Variants in PAQR8 observed in about 807,000 individuals in gnomAD.
PAQR8 encodes membrane progestin receptor beta.
In PAQR8, 17 loss-of-function variants were observed where a neutral mutation model predicts 25.2. The observed-to-expected ratio is 0.67, with a 90% CI of 0.46 to 1.01. The LOEUF (loss-of-function observed/expected upper bound fraction) is 1.01. Among genes scored for constraint, PAQR8 ranks in the 50% least tolerant of loss-of-function variants. The pLI is 0.00. For missense variants in PAQR8, 392 were observed against 448.4 expected (o/e 0.87, Z 1.14); for synonymous variants, 204 against 190.6 (o/e 1.07, Z -0.58).
chr6:52,395,565 G>A (rs1763758343), intron 1 of PAQR8, among the ~76,000 whole-genome samples: 1 of 152,200 alleles, frequency 6.6e-6, no homozygotes, highest in Non-Finnish European at 1.5e-5. Flanking sequence ...CAGGGAGGCA[G>A]TATTATGATG....
rs1763868057 is a variant in PAQR8, at chr6:52,403,614, C to A, written c.401C>A (p.Ser134Tyr). Residue 134 changes from serine to tyrosine, a missense_variant, in exon 2 of 2, where the codon TCC becomes TAC. Physicochemically the swap from Ser to Tyr is moderately radical, Grantham distance 144. Coordinates refer to ENST00000442253, the MANE Select transcript of PAQR8 (RefSeq NM_133367.5). ...TCSLLAHLLQ[S>Y]KSELSHYTFY... ...AGCCTTCTGGCCCACCTGCTGCAGT[C>A]CAAGTCAGAGCTCTCCCACTACACC... The A allele has an allele frequency of 1.9e-6, 3 of 1,614,134 alleles. No homozygotes were observed. The highest frequency in any genetic ancestry group is 2.5e-6 in the Non-Finnish European group (3 of 1,180,044).
At position 52,390,145 on chromosome 6, in the gene PAQR8, C is replaced by G. The variant is rs143303320; in HGVS notation, c.-52-13017C>G. ...GTGTGTTCTCCCAGTAAATTGTTCC[C>G]AGCTCCTCTGACTTCTCCCACTCGA... On this transcript the variant is annotated intron_variant, in intron 1 of 1. Transcript: ENST00000442253. Among the ~76,000 whole-genome samples, 446 of 152,314 alleles carry G rather than the reference C, an allele frequency of 2.9e-3. 5 individuals carry two copies. The highest frequency in any genetic ancestry group is 0.01 in the African/African-American group (427 of 41,570).
intron 1 of PAQR8, among the ~76,000 whole-genome samples, chr6:52,387,729 T>C (rs1327962629): frequency 6.6e-6 from 1 of 152,232 alleles, no homozygotes; most frequent in East Asian, 1.9e-4. Context: ...CCCCAGTACC[T>C]GTCTGTGGCC....
At chr6:52,366,841 C>T (rs1014681019) in intron 1 of PAQR8, among the ~76,000 whole-genome samples, 23 of 152,120 alleles carry the variant, frequency 1.5e-4, no homozygotes, top group African/African-American at 5.6e-4. Flanking sequence ...CCTCCATCTC[C>T]TGGGTTCAAG....
At chr6:52,388,024 A>G (rs550225582) in intron 1 of PAQR8, among the ~76,000 whole-genome samples, 5 of 152,350 alleles carry the variant, frequency 3.3e-5, no homozygotes, top group African/African-American at 1.2e-4. Context: ...GAGGGCTCCC[A>G]GTGATTCTAC....
At chr6:52,392,276 G>A (rs1285241950) in intron 1 of PAQR8, among the ~76,000 whole-genome samples, 2 of 151,852 alleles carry the variant, frequency 1.3e-5, no homozygotes, top group African/African-American at 2.4e-5. Flanking sequence ...CCCAGGAGGC[G>A]GAGGTTACAA....
chr6:52,368,309 TCCTGGCTATAGGATAGAATCA>T (rs958559107), intron 1 of PAQR8, among the ~76,000 whole-genome samples: 1 of 152,178 alleles, frequency 6.6e-6, no homozygotes, highest in African/African-American at 2.4e-5. Context: ...TGGTTCTCAG[TCCTGGCTATAGGATAGAATCA>T]CCTGGGGTTG....
chr6:52,389,406 T>C (rs1252448013), intron 1 of PAQR8, among the ~76,000 whole-genome samples: 1 of 152,176 alleles, frequency 6.6e-6, no homozygotes, highest in Non-Finnish European at 1.5e-5. Flanking sequence ...CTCCAGAGGC[T>C]TGCAATTCAA....
intron 1 of PAQR8, among the ~76,000 whole-genome samples, chr6:52,369,655 CTGT>C (rs1763394828): frequency 6.6e-6 from 1 of 152,140 alleles, no homozygotes; most frequent in African/African-American, 2.4e-5. Flanking sequence ...GGAGAAATGA[CTGT>C]TGGTGAAAAC....
At chr6:52,369,479 C>T (rs1394921160) in intron 1 of PAQR8, among the ~76,000 whole-genome samples, 1 of 152,168 alleles carries the variant, frequency 6.6e-6, no homozygotes, top group Non-Finnish European at 1.5e-5. Context: ...TTGTGAAACT[C>T]TGTATTTGCC....
intron 1 of PAQR8, among the ~76,000 whole-genome samples, chr6:52,377,130 C>T (rs188074395): frequency 2.0e-5 from 3 of 152,072 alleles, no homozygotes; most frequent in South Asian, 2.1e-4. Flanking sequence ...AATGTTAACT[C>T]GATGGTAAAC....
intron 1 of PAQR8, among the ~76,000 whole-genome samples, chr6:52,398,204 CTTT>C (rs869285681): frequency 1.5e-4 from 13 of 85,810 alleles, no homozygotes; most frequent in Admixed American, 7.0e-4. Context: ...TTTCTTTTTT[CTTT>C]TTTTTTTTTT....
Position 52,403,822 on chromosome 6 carries a change from G to A in PAQR8, c.609G>A (p.Arg203=). 1 of 1,614,240 alleles carries A rather than the reference G, an allele frequency of 6.2e-7. No individual in the cohort carries two copies. Among genetic ancestry groups the A allele is most frequent in the South Asian group, 1.1e-5 (1 of 91,088 alleles). ...GCTATGCCAAATATCGTTACCGGAG[G>A]CCTTATCCAGTCATGAGGAAGATCT... is the stretch of plus-strand genomic sequence containing the variant. ...GCCYAKYRYR[R]PYPVMRKICQ... The change falls in exon 2 of 2, where the codon AGG becomes AGA. Residue 203 remains arginine (R), a synonymous_variant. Coordinates refer to ENST00000442253, the MANE Select transcript of PAQR8 (RefSeq NM_133367.5).
At chr6:52,396,839 C>T (rs981788769) in intron 1 of PAQR8, among the ~76,000 whole-genome samples, 56 of 152,246 alleles carry the variant, frequency 3.7e-4, no homozygotes, top group African/African-American at 1.2e-3. Flanking sequence ...GTCTGAAGTG[C>T]CCATGGGGGA....
intron 1 of PAQR8, among the ~76,000 whole-genome samples, chr6:52,382,632 T>C (rs1294889784): frequency 6.6e-6 from 1 of 152,184 alleles, no homozygotes; most frequent in East Asian, 1.9e-4. Flanking sequence ...ATCTTATTTA[T>C]AAATTTCATG....
chr6:52,382,100 A>G (rs1763567974), intron 1 of PAQR8, among the ~76,000 whole-genome samples: 1 of 152,232 alleles, frequency 6.6e-6, no homozygotes, highest in South Asian at 2.1e-4. Context: ...ATACTTGCCC[A>G]TAAGAAACTT....
intron 1 of PAQR8, among the ~76,000 whole-genome samples, chr6:52,375,985 G>A (rs1364076038): frequency 1.3e-5 from 2 of 152,202 alleles, no homozygotes; most frequent in African/African-American, 4.8e-5. Flanking sequence ...AAAAGGAATT[G>A]AAACCCAGAG....
At chr6:52,363,002 G>T (rs1379837065) in intron 1 of PAQR8, among the ~76,000 whole-genome samples, 1 of 152,104 alleles carries the variant, frequency 6.6e-6, no homozygotes, top group Non-Finnish European at 1.5e-5. Context: ...GGCTGGTGGG[G>T]CTGGAACGCT....
At position 52,403,342 on chromosome 6, in the gene PAQR8, C is replaced by T. The variant is rs1298495697; in HGVS notation, c.129C>T (p.Pro43=). ...MPCTVPETDV[P]QLFREPYIRT... ...GCACTGTCCCAGAAACGGATGTGCC[C>T]CAGCTCTTCCGGGAGCCTTACATCC... is the stretch of plus-strand genomic sequence containing the variant. Residue 43 remains proline, a synonymous_variant, in exon 2 of 2, where the codon CCC becomes CCT. Coordinates refer to ENST00000442253, the MANE Select transcript of PAQR8 (RefSeq NM_133367.5). The T allele has an allele frequency of 1.2e-6, 2 of 1,614,136 alleles. No homozygotes were observed. The highest frequency in any genetic ancestry group is 1.7e-6 in the Non-Finnish European group (2 of 1,180,060).
Sources: allele counts gnomAD v4.1 joint callset (sites outside exome capture counted in the v4.1 genomes callset), GRCh38; gene constraint gnomAD v4.1.1; transcripts MANE v1.5; gene names NCBI Gene and HGNC (gene_info 2026-07-23, HGNC 2026-07-21).